Variants in TMEM150C observed in about 807,000 individuals in gnomAD.
The protein encoded by TMEM150C is tentonin 3.
TMEM150C carries 10 observed loss-of-function variants against 29.9 expected under a neutral mutation model. The ratio of observed to expected loss-of-function variants is 0.33; its 90% CI spans 0.21 to 0.57. The LOEUF is 0.57. Among genes scored for constraint, TMEM150C ranks in the 20% least tolerant of loss-of-function variants. TMEM150C has a pLI of 0.88. For missense variants in TMEM150C, 251 were observed against 303.6 expected (o/e 0.83, Z 1.29); for synonymous variants, 101 against 112.5 (o/e 0.90, Z 0.64).
intron 1 of TMEM150C, among the ~76,000 whole-genome samples, chr4:82,551,482 C>T (rs1725575541): frequency 6.6e-6 from 1 of 152,166 alleles, no homozygotes; most frequent in Non-Finnish European, 1.5e-5. Flanking sequence ...AAGGACATTC[C>T]ATGAGGTTTG....
At chr4:82,497,243 G>A (rs956648910) in intron 5 of TMEM150C, among the ~76,000 whole-genome samples, 7 of 152,152 alleles carry the variant, frequency 4.6e-5, no homozygotes, top group Non-Finnish European at 7.4e-5. Context: ...AATCACTTTC[G>A]ATTAATGTAA....
intron 1 of TMEM150C, among the ~76,000 whole-genome samples, chr4:82,532,266 T>C (rs1724872000): frequency 1.3e-5 from 2 of 152,274 alleles, no homozygotes; most frequent in Non-Finnish European, 2.9e-5. Context: ...CAAATATTTC[T>C]GGATTTGTCA....
At position 82,490,251 on chromosome 4, in the gene TMEM150C, T is replaced by A. The variant is rs1286305107; in HGVS notation, c.364-13A>T. 2 of 1,613,024 alleles carry A rather than the reference T, an allele frequency of 1.2e-6. No homozygotes were observed. Among genetic ancestry groups the A allele is most frequent in the African/African-American group, 1.3e-5 (1 of 74,868 alleles). On this transcript the variant is annotated splice_polypyrimidine_tract_variant and intron_variant, in intron 6 of 7. Transcript: ENST00000449862. Reference sequence around the variant, plus strand: ...CATCATTTGTGAGCTTAGGGATGAATGGATAATGACACATGAAGGCCCATT... The same window carrying A: ...CATCATTTGTGAGCTTAGGGATGAAAGGATAATGACACATGAAGGCCCATT...
intron 1 of TMEM150C, among the ~76,000 whole-genome samples, chr4:82,514,787 AC>A (rs1220227066): frequency 6.6e-6 from 1 of 152,142 alleles, no homozygotes; most frequent in African/African-American, 2.4e-5. Context: ...TTTCCTATGA[AC>A]CGGGACACGA....
At chr4:82,499,631 G>A (rs890058404) in intron 5 of TMEM150C, among the ~76,000 whole-genome samples, 5 of 144,124 alleles carry the variant, frequency 3.5e-5, no homozygotes, top group Admixed American at 2.9e-4. Context: ...GCTGAGGCAG[G>A]AGAATCGCTT....
chr4:82,510,972 T>A (rs949382070), intron 1 of TMEM150C, among the ~76,000 whole-genome samples: 1 of 152,262 alleles, frequency 6.6e-6, no homozygotes, highest in Non-Finnish European at 1.5e-5. Flanking sequence ...GAGGACTGTT[T>A]ATTTTGTTTT....
At position 82,485,367 on chromosome 4, in the gene TMEM150C, A is replaced by G. The variant is rs4693031; in HGVS notation, c.*144T>C. On this transcript the variant is annotated 3_prime_UTR_variant, in exon 8 of 8. Coordinates refer to ENST00000449862, the MANE Select transcript of TMEM150C (RefSeq NM_001080506.3). The stretch of plus-strand genomic sequence containing the variant: ...TTCATTAAAGAAATAACTCGCCCTG[A>G]AAAGCTCATTTGGCAAATGTGGCCA... 35,727 of 668,242 alleles carry G rather than the reference A, an allele frequency of 0.053. 2,510 individuals carry two copies. Among genetic ancestry groups the G allele is most frequent in the Admixed American group, 0.26 (9,194 of 35,376 alleles). 41.4% of individuals were successfully genotyped at this position (668,242 alleles called of 1,614,324 possible).
chr4:82,490,924 G>C, intron 6 of TMEM150C: 1 of 717,114 alleles, frequency 1.4e-6, no homozygotes, highest in South Asian at 1.4e-5. Context: ...CAGTGATGGC[G>C]GATCTCATCG....
intron 1 of TMEM150C, among the ~76,000 whole-genome samples, chr4:82,561,457 G>A (rs1044502101): frequency 4.6e-5 from 7 of 152,148 alleles, no homozygotes; most frequent in Non-Finnish European, 8.8e-5. Flanking sequence ...ATGGCACAGG[G>A]ACCGGGAGGT....
intron 6 of TMEM150C, chr4:82,495,595 TA>T: frequency 5.7e-6 from 2 of 352,820 alleles, no homozygotes; most frequent in Non-Finnish European, 1.1e-5. Flanking sequence ...AACCACGAAC[TA>T]ATTTTCTCTT....
intron 6 of TMEM150C, among the ~76,000 whole-genome samples, chr4:82,492,960 T>A (rs1723421128): frequency 6.8e-6 from 1 of 147,642 alleles, no homozygotes; most frequent in Non-Finnish European, 1.5e-5. Flanking sequence ...TGATAAAAGT[T>A]CACTATGTAT....
In TMEM150C at chr4:82,496,123, C is replaced by T. The variant is rs1368221510; in HGVS notation, c.308G>A (p.Gly103Glu). Reference protein sequence around the residue: ...KVLNPWLNISGLVALCLASFG... With the variant: ...KVLNPWLNISELVALCLASFG... The stretch of plus-strand genomic sequence containing the variant: ...GGAAGCCAGACACAGAGCCACCAAT[C>T]CACTAATATTCAGCCACGGGTTTAA... Residue 103 changes from glycine to glutamate, a missense_variant, in exon 6 of 8, where the codon GGA becomes GAA. Physicochemically the swap from Gly to Glu is moderately conservative, Grantham distance 98. Coordinates refer to ENST00000449862, the MANE Select transcript of TMEM150C (RefSeq NM_001080506.3). 6.2e-7 allele frequency: 1 copy of T among 1,613,922 alleles called. No individual in the cohort carries two copies. The highest frequency in any genetic ancestry group is 1.7e-5 in the Admixed American group (1 of 60,008).
At chr4:82,502,047 T>C (rs1560483395) in intron 5 of TMEM150C, among the ~76,000 whole-genome samples, 1 of 152,144 alleles carries the variant, frequency 6.6e-6, no homozygotes, top group Admixed American at 6.5e-5. Flanking sequence ...GGAGATGGTA[T>C]ACAAGGTAGA....
intron 6 of TMEM150C, among the ~76,000 whole-genome samples, chr4:82,492,156 T>C (rs1578120577): frequency 1.3e-5 from 2 of 150,164 alleles, no homozygotes; most frequent in African/African-American, 4.9e-5. Flanking sequence ...TGAGACAGAG[T>C]CTCACTCTGT....
intron 6 of TMEM150C, chr4:82,495,045 G>A (rs955025381): frequency 1.6e-6 from 2 of 1,234,602 alleles, no homozygotes; most frequent in East Asian, 2.6e-5. Context: ...GACACGTGGA[G>A]TAACAAGATG....
chr4:82,557,895 A>AT (rs1055259310), intron 1 of TMEM150C, among the ~76,000 whole-genome samples: 132 of 150,450 alleles, frequency 8.8e-4, no homozygotes, highest in African/African-American at 3.0e-3. Flanking sequence ...TGCGCAGCTA[A>AT]TTTTTTTTTG....
chr4:82,505,232 A>C (rs1250840872), intron 1 of TMEM150C, among the ~76,000 whole-genome samples: 1 of 152,078 alleles, frequency 6.6e-6, no homozygotes, highest in African/African-American at 2.4e-5. Flanking sequence ...TTTTTTGTAG[A>C]GATGGGGTCT....
chr4:82,562,104 G>T, upstream of TMEM150C: 4 of 1,232,800 alleles, frequency 3.2e-6, no homozygotes, highest in South Asian at 5.4e-5. Context: ...GGCCTTCGGG[G>T]AGAGTTGATC....
In TMEM150C at chr4:82,502,936, T is replaced by TAA. The variant is rs374026731; in HGVS notation, c.135-11_135-10dup. The stretch of plus-strand genomic sequence containing the variant: ...GCTTCACACCAGGTTTCCTGGATAA[T>TAA]AAAAAAAAAAAACACAGAAGCTCAG... On this transcript the variant is annotated splice_polypyrimidine_tract_variant and intron_variant, in intron 3 of 7. Coordinates refer to ENST00000449862, the MANE Select transcript of TMEM150C (RefSeq NM_001080506.3). 1,828 of 1,300,010 alleles carry TAA rather than the reference T, an allele frequency of 1.4e-3. No homozygotes were observed. Among genetic ancestry groups the TAA allele is most frequent in the Non-Finnish European group, 1.6e-3 (1,540 of 949,038 alleles). The allele number at this position is 1,300,010 out of a possible 1,614,324, so 80.5% of individuals were successfully genotyped here. A position where few individuals can be genotyped will look rare whatever the true frequency, so the allele number is the denominator to read the frequency against.
Sources: gnomAD v4.1 joint callset for allele counts (sites outside exome capture counted in the v4.1 genomes callset) on GRCh38, gnomAD v4.1.1 for gene constraint, MANE v1.5 for transcripts, NCBI Gene and HGNC (gene_info 2026-07-23, HGNC 2026-07-21) for gene names.